The following CNTN2 variants were observed in gnomAD, a reference collection of about 807,000 sequenced individuals.
CNTN2 encodes contactin-2.
Under a neutral mutation model 117.5 loss-of-function variants are expected in CNTN2, and 53 were observed. The observed-to-expected ratio is 0.45, with a 90% CI of 0.36 to 0.57. The LOEUF is 0.57. CNTN2 is among the 20% of genes least tolerant of loss of function. CNTN2 has a pLI of 0.00. For synonymous variants in CNTN2, 530 were observed against 561.7 expected (o/e 0.94, Z 0.80); for missense variants, 1,106 against 1,404.3 (o/e 0.79, Z 3.39).
chr1:205,058,263 CCCA>C lies in CNTN2; in HGVS notation c.302_304del (p.Thr101del). 1.3e-6 allele frequency: 2 copies of C among 1,543,286 alleles called. No homozygotes were observed. The highest frequency in any genetic ancestry group is 1.7e-6 in the Non-Finnish European group (2 of 1,145,042). On this transcript the variant is annotated inframe_deletion, in exon 4 of 23. Transcript: ENST00000331830. The surrounding 1 kb of genome is among the most constrained non-coding windows in gnomAD (Gnocchi z 4.3). ...GGGGGGCAACCTGGTCATCATGAAC[CCCA>C]CCAAGGCACAGGATGCCGGGGTCTA...
At chr1:205,069,292 C>G (rs1253613906) in intron 16 of CNTN2, 199 bp from the exon 17 acceptor site, 1 of 562,252 alleles carries the variant, frequency 1.8e-6, no homozygotes, top group East Asian at 2.9e-5. Context: ...GGAAGCACAG[C>G]TAGTAAATGG....
rs1264690742 is a variant in CNTN2 at position 205,074,067 on chromosome 1, G to A, written c.*302G>A. The A allele has an allele frequency of 3.5e-6, 2 of 568,432 alleles. No homozygotes were observed. Among genetic ancestry groups the A allele is most frequent in the Non-Finnish European group, 6.2e-6 (2 of 320,368 alleles). 35.2% of individuals were successfully genotyped at this position (568,432 alleles called of 1,614,324 possible). The stretch of plus-strand genomic sequence containing the variant: ...AGGAACAGGCCCATGGGAAGAAGGG[G>A]GTTTTAAAAACATGTCTTCAACTCA... On this transcript the variant is annotated 3_prime_UTR_variant, in exon 23 of 23. Coordinates refer to ENST00000331830, the MANE Select transcript of CNTN2 (RefSeq NM_005076.5).
intron 1 of CNTN2, 86 bp from the exon 2 acceptor site, chr1:205,053,014 G>A (rs1334739788): frequency 4.3e-6 from 2 of 464,868 alleles, no homozygotes; most frequent in Non-Finnish European, 7.7e-6. Flanking sequence ...CCCAGGCCGA[G>A]GTAAAAGCTT....
At position 205,044,462 on chromosome 1, in the gene CNTN2, G is replaced by A. The variant is rs867829473; in HGVS notation, c.-87+1068G>A. 5.3e-5 allele frequency among the ~76,000 whole-genome samples: 8 copies of A among 151,942 alleles called. No homozygotes were observed. In the Middle Eastern group the frequency reaches 0.01, roughly 194 times the overall value. ...CTGGGGGTTGAGCCTGTGTCCTGGGGGGGGGGGTCCAGTGAGGCCAGGAGG... is the reference window on the plus strand; with the variant it reads ...CTGGGGGTTGAGCCTGTGTCCTGGGAGGGGGGGTCCAGTGAGGCCAGGAGG... On this transcript the variant is annotated intron_variant, in intron 1 of 22. Transcript: ENST00000331830.
chr1:205,054,607 C>T (rs2096458134), intron 2 of CNTN2, among the ~76,000 whole-genome samples: 2 of 152,204 alleles, frequency 1.3e-5, no homozygotes, highest in Non-Finnish European at 2.9e-5. Context: ...GTATGGACAG[C>T]ATCCAAGTTC....
rs1327776961 is a variant in CNTN2 at position 205,053,244 on chromosome 1, T to C, written c.59T>C (p.Val20Ala). The change falls in exon 2 of 23, where the codon GTC becomes GCC. Residue 20 changes from valine (V) to alanine (A), a missense_variant. Transcript: ENST00000331830. ...CTGCTGGTAGCTGCTGTGGCCCTTG[T>C]CTCCTCTTCAGGTAAGAGGGCTCAT... is the stretch of plus-strand genomic sequence containing the variant. ...HLLLVAAVALVSSSAWSSALG... is the reference protein window; with the variant it reads ...HLLLVAAVALASSSAWSSALG... The C allele has an allele frequency of 1.2e-6, 2 of 1,612,712 alleles. No individual in the cohort carries two copies. Among genetic ancestry groups the C allele is most frequent in the South Asian group, 1.1e-5 (1 of 90,766 alleles).
In CNTN2 at chr1:205,077,628, G is replaced by GT. The variant is rs1175561240; in HGVS notation, c.*3864dup. 6.6e-6 allele frequency: 1 copy of GT among 152,274 alleles called. No homozygotes were observed. Among genetic ancestry groups the GT allele is most frequent in the Non-Finnish European group, 1.5e-5 (1 of 68,064 alleles). 9.4% of individuals were successfully genotyped at this position (152,274 alleles called of 1,614,324 possible). A position where few individuals can be genotyped will look rare whatever the true frequency, so the allele number is the denominator to read the frequency against. On this transcript the variant is annotated 3_prime_UTR_variant, in exon 23 of 23. Coordinates refer to ENST00000331830, the MANE Select transcript of CNTN2 (RefSeq NM_005076.5). The stretch of plus-strand genomic sequence containing the variant: ...GTAGCTGCGGAACACCCGTGGACTT[G>GT]TGTATATGGTCATAGGCTTTGGGAA...
At chr1:205,054,123 C>T (rs1297787328) in intron 2 of CNTN2, among the ~76,000 whole-genome samples, 3 of 152,224 alleles carry the variant, frequency 2.0e-5, no homozygotes, top group African/African-American at 7.2e-5. Context: ...TGGCCTCTGC[C>T]CTGACCCTCA....
At chr1:205,069,778 A>G in intron 17 of CNTN2, 49 bp from the exon 18 acceptor site, 1 of 1,578,134 alleles carries the variant, frequency 6.3e-7, no homozygotes, top group Non-Finnish European at 8.7e-7. Flanking sequence ...GGGAACGGGC[A>G]GGGACACATG....
chr1:205,054,134 G>A (rs924659063), intron 2 of CNTN2, among the ~76,000 whole-genome samples: 2 of 152,210 alleles, frequency 1.3e-5, no homozygotes, highest in African/African-American at 4.8e-5. Context: ...CTGACCCTCA[G>A]CCCAGATCAA....
Position 205,064,587 on chromosome 1 carries a change from C to A in CNTN2, c.1392-36C>A, listed in dbSNP as rs1654175567. The A allele has an allele frequency of 2.5e-6, 4 of 1,609,274 alleles. No individual in the cohort carries two copies. The East Asian group carries it at 8.9e-5, about 36-fold the overall frequency. On this transcript the variant is annotated intron_variant, in intron 11 of 22. Coordinates refer to ENST00000331830, the MANE Select transcript of CNTN2 (RefSeq NM_005076.5). Reference sequence around the variant, plus strand: ...TTGGCCAGCCCCAGGGACAACCATGCCTGAGTTGGCCACATCTGCCTTGTC... The same window carrying A: ...TTGGCCAGCCCCAGGGACAACCATGACTGAGTTGGCCACATCTGCCTTGTC...
intron 2 of CNTN2, 172 bp from the exon 3 acceptor site, chr1:205,057,749 C>T: frequency 3.4e-6 from 2 of 588,756 alleles, no homozygotes; most frequent in Non-Finnish European, 5.9e-6. Flanking sequence ...GTCGCAATAG[C>T]CACATGTCAA....
At chr1:205,070,362 G>C in intron 18 of CNTN2, 64 bp from the exon 19 acceptor site, 1 of 1,167,972 alleles carries the variant, frequency 8.6e-7, no homozygotes, top group Non-Finnish European at 1.2e-6. Context: ...ATCCTGGTTG[G>C]GGGCTGCTCT....
Position 205,059,863 on chromosome 1 carries a change from T to A in CNTN2, c.797+181T>A. ...GGACAGTACCTCTCTGGGTGAGGCA[T>A]CGCATATGCCAGGGGCCTTCCATGG... On this transcript the variant is annotated intron_variant, in intron 7 of 22. Coordinates refer to ENST00000331830, the MANE Select transcript of CNTN2 (RefSeq NM_005076.5). The surrounding 1 kb of genome is among the most constrained non-coding windows in gnomAD (Gnocchi z 5.6). 1 of 597,108 alleles carries A rather than the reference T, an allele frequency of 1.7e-6. No individual in the cohort carries two copies. Among genetic ancestry groups the A allele is most frequent in the Non-Finnish European group, 3.0e-6 (1 of 332,942 alleles). The allele number at this position is 597,108 out of a possible 1,614,324, so 37.0% of individuals were successfully genotyped here. A position where few individuals can be genotyped will look rare whatever the true frequency, so the allele number is the denominator to read the frequency against.
intron 2 of CNTN2, chr1:205,057,638 G>A: frequency 9.9e-6 from 3 of 303,736 alleles, no homozygotes; most frequent in Non-Finnish European, 1.8e-5. Flanking sequence ...TGTAGGATGG[G>A]TGATTGATTG....
At chr1:205,047,128 T>G (rs571764741) in intron 1 of CNTN2, among the ~76,000 whole-genome samples, 1 of 152,140 alleles carries the variant, frequency 6.6e-6, no homozygotes, top group East Asian at 1.9e-4. Context: ...CAGAGAGAGC[T>G]GAGCAGCTCA....
rs759748131 is a variant in CNTN2 at position 205,065,252 on chromosome 1, G to C, written c.1685G>C (p.Arg562Thr). The C allele has an allele frequency of 1.9e-6, 3 of 1,614,146 alleles. No homozygotes were observed. In the East Asian group the frequency reaches 6.7e-5, roughly 36 times the overall value. The change falls in exon 13 of 23, where the codon AGA (arginine) becomes ACA (threonine). Residue 562 changes from arginine (R) to threonine (T), a missense_variant. By Grantham distance (71) the Arg-to-Thr change is moderately conservative (BLOSUM62 -1). Coordinates refer to ENST00000331830, the MANE Select transcript of CNTN2 (RefSeq NM_005076.5). The surrounding 1 kb of genome is among the most constrained non-coding windows in gnomAD (Gnocchi z 4.1). ...GATAAGCCTGGAGGGCACTACCGGA[G>C]AACTAATGTGGTGAGACCTAGGGCC... is the stretch of plus-strand genomic sequence containing the variant. ...DFDKPGGHYR[R>T]TNVKETIGDL...
intron 19 of CNTN2, chr1:205,070,995 C>CA (rs34606956): frequency 0.29 from 28,750 of 98,522 alleles, 3,970 homozygotes; most frequent in East Asian, 0.54. Context: ...GACTCCATCT[C>CA]AAAAAAAAAA....
chr1:205,051,485 C>T (rs1055252650), intron 1 of CNTN2, among the ~76,000 whole-genome samples: 3 of 152,198 alleles, frequency 2.0e-5, no homozygotes, highest in South Asian at 2.1e-4. Context: ...GAGTTCAAGT[C>T]GAACTGAGAG....
Sources: allele counts gnomAD v4.1 joint callset (sites outside exome capture counted in the v4.1 genomes callset), GRCh38; gene constraint gnomAD v4.1.1; non-coding constraint Gnocchi (gnomAD v3.1); transcripts MANE v1.5; gene names NCBI Gene and HGNC (gene_info 2026-07-23, HGNC 2026-07-21).